The following TSHZ2 variants were observed in gnomAD, a reference collection of about 807,000 sequenced individuals.
TSHZ2 encodes the protein teashirt homolog 2.
Under a neutral mutation model 74.4 loss-of-function variants are expected in TSHZ2, and 21 were observed. The observed-to-expected ratio is 0.28, with a 90% CI of 0.20 to 0.41. The LOEUF is 0.41. Among genes scored for constraint, TSHZ2 ranks in the 10% least tolerant of loss-of-function variants. The pLI is 1.00. For missense variants in TSHZ2, 1,244 were observed against 1,293.5 expected (o/e 0.96, Z 0.59); for synonymous variants, 540 against 515.3 (o/e 1.05, Z -0.65).
intron 2 of TSHZ2, among the ~76,000 whole-genome samples, chr20:53,435,782 G>A (rs1212301556): frequency 6.6e-6 from 1 of 152,192 alleles, no homozygotes; most frequent in Non-Finnish European, 1.5e-5. Context: ...CAAAGTGCTG[G>A]GATTACAGGC....
At chr20:53,467,854 G>A (rs982318143) in intron 2 of TSHZ2, among the ~76,000 whole-genome samples, 5 of 152,122 alleles carry the variant, frequency 3.3e-5, no homozygotes, top group Admixed American at 3.3e-4. Context: ...ATGTGTACCA[G>A]GCTTTAAAAG....
At chr20:53,293,317 G>T (rs1991315225) in intron 2 of TSHZ2, among the ~76,000 whole-genome samples, 1 of 152,080 alleles carries the variant, frequency 6.6e-6, no homozygotes, top group Non-Finnish European at 1.5e-5. Context: ...ACAAAAATTA[G>T]CCAGGCCTGG....
chr20:53,033,755 G>A (rs1221819957), intron 1 of TSHZ2, among the ~76,000 whole-genome samples: 1 of 136,820 alleles, frequency 7.3e-6, no homozygotes, highest in Non-Finnish European at 1.5e-5. Context: ...CACCTCCCTG[G>A]TTCGAGCAAT....
intron 1 of TSHZ2, among the ~76,000 whole-genome samples, chr20:53,002,394 TGAAA>T (rs376356367): frequency 2.9e-3 from 434 of 152,234 alleles, no homozygotes; most frequent in African/African-American, 8.3e-3. Flanking sequence ...TAATACAAAA[TGAAA>T]GAAACTGTCA....
intron 2 of TSHZ2, among the ~76,000 whole-genome samples, chr20:53,380,051 C>T (rs775771872): frequency 2.3e-4 from 35 of 152,168 alleles, no homozygotes; most frequent in Non-Finnish European, 4.0e-4. Context: ...TATCTGTTTA[C>T]CCAGCGAAAG....
chr20:53,072,799 C>G (rs6022269), intron 1 of TSHZ2, among the ~76,000 whole-genome samples: 1 of 152,030 alleles, frequency 6.6e-6, no homozygotes, highest in African/African-American at 2.4e-5. Context: ...ACTGGGGGGT[C>G]GAGGCAGGTA....
At chr20:53,118,385 G>C (rs573937336) in intron 1 of TSHZ2, among the ~76,000 whole-genome samples, 1 of 152,154 alleles carries the variant, frequency 6.6e-6, no homozygotes, top group Non-Finnish European at 1.5e-5. Flanking sequence ...GGATTTAGGT[G>C]CTGGTGATTT....
intron 1 of TSHZ2, among the ~76,000 whole-genome samples, chr20:53,065,931 C>T (rs17329843): frequency 0.012 from 1,794 of 152,276 alleles, 25 homozygotes; most frequent in Non-Finnish European, 0.015. Context: ...TTACAGACAT[C>T]CAAGAATCTG....
chr20:53,038,896 G>GTT (rs374364980), intron 1 of TSHZ2, among the ~76,000 whole-genome samples: 11 of 140,422 alleles, frequency 7.8e-5, no homozygotes, highest in African/African-American at 3.0e-4. Flanking sequence ...TTGTTTGTTT[G>GTT]TTTGTTTGTT....
At chr20:53,111,242 T>C (rs1444942145) in intron 1 of TSHZ2, among the ~76,000 whole-genome samples, 2 of 152,182 alleles carry the variant, frequency 1.3e-5, no homozygotes, top group Non-Finnish European at 2.9e-5. Context: ...CAGGAGAAGA[T>C]TATTTATTCA....
chr20:53,173,462 G>A (rs971817005), intron 1 of TSHZ2, among the ~76,000 whole-genome samples: 1 of 152,096 alleles, frequency 6.6e-6, no homozygotes, highest in Non-Finnish European at 1.5e-5. Context: ...CAAAAAATTA[G>A]CCAGGCATGG....
At chr20:53,483,205 C>T (rs576259586) in intron 2 of TSHZ2, among the ~76,000 whole-genome samples, 3 of 152,276 alleles carry the variant, frequency 2.0e-5, no homozygotes, top group African/African-American at 7.2e-5. Flanking sequence ...GAGGCCAAGG[C>T]GGGGAGAATG....
Position 53,255,998 on chromosome 20 carries a change from A to T in TSHZ2, c.2540A>T (p.Asn847Ile). 6.2e-7 allele frequency: 1 copy of T among 1,613,740 alleles called. No individual in the cohort carries two copies. The change falls in exon 2 of 3, where the codon AAC becomes ATC. Residue 847 changes from asparagine to isoleucine, a missense_variant. Asn to Ile is a moderately radical substitution (Grantham distance 149, BLOSUM62 -3). Transcript: ENST00000371497. The surrounding 1 kb of genome is among the most constrained non-coding windows in gnomAD (Gnocchi z 4.1). ...TLHKRKGRQS[N>I]WNPQHLLILQ... ...CATAAAAGAAAAGGCCGGCAGTCCA[A>T]CTGGAATCCTCAGCATCTTCTGATT...
chr20:52,972,963 G>T lies in TSHZ2; in HGVS notation c.-331G>T. On this transcript the variant is annotated 5_prime_UTR_variant, in exon 1 of 3. Transcript: ENST00000371497. ...ACAGTCACCAAAAAAAAAAAAAACC[G>T]CAAAAACAAAACCAAAAAAATTCCA... 3.4e-6 allele frequency: 1 copy of T among 294,076 alleles called. No homozygotes were observed. Among genetic ancestry groups the T allele is most frequent in the East Asian group, 5.6e-5 (1 of 17,940 alleles). The allele number at this position is 294,076 out of a possible 1,614,324, so 18.2% of individuals were successfully genotyped here.
At chr20:53,479,319 A>G (rs192781550) in intron 2 of TSHZ2, among the ~76,000 whole-genome samples, 1 of 152,276 alleles carries the variant, frequency 6.6e-6, no homozygotes, top group African/African-American at 2.4e-5. Flanking sequence ...TGTATTCTGC[A>G]TTTCTGACAA....
chr20:53,474,245 G>A (rs905338084), intron 2 of TSHZ2, among the ~76,000 whole-genome samples: 3 of 144,566 alleles, frequency 2.1e-5, no homozygotes, highest in Non-Finnish European at 3.0e-5. Flanking sequence ...AAATGTTAAG[G>A]GCAGCCAGAG....
At chr20:53,307,483 C>T (rs1371559161) in intron 2 of TSHZ2, among the ~76,000 whole-genome samples, 1 of 152,152 alleles carries the variant, frequency 6.6e-6, no homozygotes, top group African/African-American at 2.4e-5. Flanking sequence ...CTTCTCCAGG[C>T]CATTAGAACT....
chr20:53,488,678 AT>A lies in TSHZ2; in HGVS notation c.*1547del. 2.5e-5 allele frequency: 7 copies of A among 274,666 alleles called. 1 individual carries two copies. The South Asian group carries it at 2.7e-4, about 11-fold the overall frequency. The allele number at this position is 274,666 out of a possible 1,614,324, so 17.0% of individuals were successfully genotyped here. A position where few individuals can be genotyped will look rare whatever the true frequency, so the allele number is the denominator to read the frequency against. On this transcript the variant is annotated 3_prime_UTR_variant, in exon 3 of 3. Coordinates refer to ENST00000371497, the MANE Select transcript of TSHZ2 (RefSeq NM_173485.6). ...TAGGTGATTCTGAAACAAAAGGAAT[AT>A]TTTCTGTTGTTGCTTTAATTACCAA...
At chr20:53,434,724 G>A (rs1568915543) in intron 2 of TSHZ2, among the ~76,000 whole-genome samples, 2 of 152,348 alleles carry the variant, frequency 1.3e-5, no homozygotes, top group Non-Finnish European at 1.5e-5. Context: ...TAGACTCTGC[G>A]TAGATTTGTT....
Sources: allele counts gnomAD v4.1 joint callset (sites outside exome capture counted in the v4.1 genomes callset), GRCh38; gene constraint gnomAD v4.1.1; non-coding constraint Gnocchi (gnomAD v3.1); transcripts MANE v1.5; gene names NCBI Gene and HGNC (gene_info 2026-07-23, HGNC 2026-07-21).